The following ANO1 variants were observed in gnomAD, a reference collection of about 807,000 sequenced individuals.
The protein encoded by ANO1 is anoctamin-1.
Under a neutral mutation model 124.0 loss-of-function variants are expected in ANO1, and 59 were observed. That is an observed-to-expected ratio of 0.48 (90% CI 0.39 to 0.59). ANO1 has a LOEUF of 0.59. ANO1 is among the 20% of genes least tolerant of loss of function. The pLI is 0.00. For synonymous variants in ANO1, 529 were observed against 532.0 expected, an observed-to-expected ratio of 0.99 and a Z score of 0.08; for missense variants, 1,059 against 1,328.0, an observed-to-expected ratio of 0.80 and a Z score of 3.15.
the ANO1 span, among the ~76,000 whole-genome samples, chr11:69,975,302 C>G: frequency 6.6e-6 from 1 of 152,226 alleles, no homozygotes; most frequent in Non-Finnish European, 1.5e-5. Flanking sequence ...AGTGGGGGAT[C>G]CCCCAGATGG....
intron 1 of ANO1, among the ~76,000 whole-genome samples, chr11:70,014,019 G>GAT (rs1565160806): frequency 6.7e-6 from 1 of 150,132 alleles, no homozygotes; most frequent in Non-Finnish European, 1.5e-5. Flanking sequence ...GAGAGAGAGA[G>GAT]ATCTCTGGTG....
chr11:70,120,290 G>A (rs1247385914), intron 8 of ANO1, among the ~76,000 whole-genome samples: 1 of 152,104 alleles, frequency 6.6e-6, no homozygotes, highest in Non-Finnish European at 1.5e-5. Flanking sequence ...GAGTACTTGG[G>A]AGCCCCTTCC....
chr11:70,071,124 G>A (rs1857863485), intron 1 of ANO1, among the ~76,000 whole-genome samples: 1 of 152,170 alleles, frequency 6.6e-6, no homozygotes, highest in African/African-American at 2.4e-5. Context: ...ACACCTGTGT[G>A]ACCAGCTCTG....
At chr11:70,168,669 G>A (rs2048344160) in intron 21 of ANO1, among the ~76,000 whole-genome samples, 1 of 152,160 alleles carries the variant, frequency 6.6e-6, no homozygotes, top group South Asian at 2.1e-4. Context: ...TGGCCACCAA[G>A]GTCAACTTCT....
At chr11:70,177,594 C>CTT (rs57647858) in intron 22 of ANO1, among the ~76,000 whole-genome samples, 1,131 of 78,910 alleles carry the variant, frequency 0.014, 14 homozygotes, top group Non-Finnish European at 0.018. Context: ...TTTTTTTTTT[C>CTT]TTTTTTTTTT....
At chr11:70,041,857 T>C (rs1857187886) in intron 1 of ANO1, among the ~76,000 whole-genome samples, 2 of 152,348 alleles carry the variant, frequency 1.3e-5, no homozygotes, top group South Asian at 4.1e-4. Flanking sequence ...CCTGGTTATT[T>C]TCCTGCTGTG....
intron 7 of ANO1, among the ~76,000 whole-genome samples, chr11:70,113,174 C>T (rs996551262): frequency 3.4e-5 from 5 of 146,722 alleles, no homozygotes; most frequent in Admixed American, 3.4e-4. Flanking sequence ...CTGCCTGTTG[C>T]CTTCCTCCCC....
intron 1 of ANO1, among the ~76,000 whole-genome samples, chr11:70,010,026 G>C (rs1856561618): frequency 6.6e-6 from 1 of 151,514 alleles, no homozygotes; most frequent in Non-Finnish European, 1.5e-5. Context: ...TACAATGTTT[G>C]GTTTTCCATT....
intron 1 of ANO1, among the ~76,000 whole-genome samples, chr11:70,051,738 GTTAT>G (rs1565169184): frequency 1.3e-5 from 2 of 152,178 alleles, no homozygotes; most frequent in Non-Finnish European, 2.9e-5. Flanking sequence ...TTTAAATTGG[GTTAT>G]TTGTCTTTTT....
In ANO1 at chr11:70,025,854, G is replaced by GTGA. The variant is rs1214362012; in HGVS notation, c.58+39691_58+39693dup. Reference sequence around the variant, plus strand: ...GGTGGTGATGATGATGATGGTGGTGGTGATGGTGATGATGATGATGGTGGT... The same window carrying GTGA: ...GGTGGTGATGATGATGATGGTGGTGGTGATGATGGTGATGATGATGATGGTGGT... On this transcript the variant is annotated intron_variant, in intron 1 of 27. Coordinates refer to the ANO1 transcript ENST00000531349. 3.5e-5 allele frequency among the ~76,000 whole-genome samples: 5 copies of GTGA among 143,580 alleles called. No homozygotes were observed. In the East Asian group the frequency reaches 8.7e-4, roughly 25 times the overall value. 94.2% of individuals were successfully genotyped at this position (143,580 alleles called of 152,430 possible).
chr11:70,019,273 C>CA (rs1555002363), intron 1 of ANO1, among the ~76,000 whole-genome samples: 1 of 144,726 alleles, frequency 6.9e-6, no homozygotes, highest in East Asian at 2.1e-4. Context: ...ATTCACTCCC[C>CA]CGTCTATGGA....
the ANO1 span, among the ~76,000 whole-genome samples, chr11:69,973,829 G>A: frequency 6.6e-6 from 1 of 151,402 alleles, no homozygotes; most frequent in East Asian, 1.9e-4. Flanking sequence ...TCGAGATCAT[G>A]CCACTGCACT....
chr11:69,982,347 A>C (rs1167285705), upstream of ANO1, among the ~76,000 whole-genome samples: 2 of 152,104 alleles, frequency 1.3e-5, no homozygotes, highest in Non-Finnish European at 2.9e-5. Context: ...GCTTCCACCC[A>C]GCCTCTGCCA....
At chr11:70,088,190 T>G (rs1379821659) in intron 2 of ANO1, 106 bp downstream of exon 2, 2 of 838,942 alleles carry the variant, frequency 2.4e-6, no homozygotes, top group Non-Finnish European at 3.5e-6. Context: ...GGCTGGTATC[T>G]TGTTTTAGCT....
intron 1 of ANO1, among the ~76,000 whole-genome samples, chr11:70,047,291 T>C (rs544435629): frequency 6.6e-6 from 1 of 152,192 alleles, no homozygotes; most frequent in African/African-American, 2.4e-5. Context: ...GTGTTGGGTA[T>C]GAAGAAGCTC....
At chr11:70,168,932 G>A (rs945263302) in intron 21 of ANO1, among the ~76,000 whole-genome samples, 3 of 150,700 alleles carry the variant, frequency 2.0e-5, no homozygotes, top group Non-Finnish European at 3.0e-5. Context: ...TCAGTGTGGC[G>A]TTCTGTGGCT....
upstream of ANO1, among the ~76,000 whole-genome samples, chr11:70,076,928 G>A (rs983098925): frequency 7.2e-5 from 11 of 152,344 alleles, no homozygotes; most frequent in Non-Finnish European, 1.3e-4. Context: ...CTTCAGGCAC[G>A]CTTAAAACTC....
the ANO1 span, among the ~76,000 whole-genome samples, chr11:69,970,487 G>A: frequency 1.3e-5 from 2 of 152,218 alleles, no homozygotes; most frequent in East Asian, 3.9e-4. Flanking sequence ...CGACCAGCAC[G>A]CGGGAGGCAG....
rs909083725 is a variant in ANO1 at position 70,182,536 on chromosome 11, C to T, written c.2438C>T (p.Pro813Leu). 48 of 1,605,012 alleles carry T rather than the reference C, an allele frequency of 3.0e-5. No individual in the cohort carries two copies. Among genetic ancestry groups the T allele is most frequent in the Non-Finnish European group, 3.7e-5 (44 of 1,175,624 alleles). ...ATCTCCTTCACGTCTGACTTCATCC[C>T]GCGCCTGGTGTACCTCTACATGTAC... ...FVISFTSDFI[P>L]RLVYLYMYSK... The change falls in exon 24 of 26, where the codon CCG becomes CTG. Residue 813 changes from proline (P) to leucine (L), a missense_variant. By Grantham distance (98) the Pro-to-Leu change is moderately conservative (BLOSUM62 -3). Transcript: ENST00000355303.
Sources: gnomAD v4.1 joint callset for allele counts (sites outside exome capture counted in the v4.1 genomes callset) on GRCh38, gnomAD v4.1.1 for gene constraint, MANE v1.5 for transcripts, NCBI Gene and HGNC (gene_info 2026-07-23, HGNC 2026-07-21) for gene names.